The following STRN4 variants were observed in gnomAD, a reference collection of about 807,000 sequenced individuals.
STRN4 encodes striatin 4, also known as striatin-4.
In STRN4, 27 loss-of-function variants were observed where a neutral mutation model predicts 77.9. That is an observed-to-expected ratio of 0.35 (90% confidence interval 0.26 to 0.48). The LOEUF (loss-of-function observed/expected upper bound fraction) is 0.48, where lower values mean the gene tolerates loss of function less well. Ranked by LOEUF, STRN4 falls within the 20% of genes least tolerant of loss-of-function variation. The probability of loss-of-function intolerance (pLI) is 0.99; values close to 1 mark genes in which losing one functional copy is unlikely to be tolerated. For missense variants in STRN4, 798 were observed against 1,049.7 expected (o/e 0.76, Z 3.31); for synonymous variants, 466 against 443.1 (o/e 1.05, Z -0.65).
chr19:46,732,878 G>A (rs2054283666), intron 5 of STRN4, among the ~76,000 whole-genome samples, 161 bp downstream of exon 5: 1 of 152,210 alleles, frequency 6.6e-6, no homozygotes. Flanking sequence ...GGGGATCCCA[G>A]CAGTGAAGGG....
Position 46,730,863 on chromosome 19 carries a change from C to T in STRN4, c.748G>A (p.Gly250Ser), listed in dbSNP as rs756430839. 6.2e-7 allele frequency: 1 copy of T among 1,611,094 alleles called. No individual in the cohort carries two copies. Among genetic ancestry groups the T allele is most frequent in the South Asian group, 1.1e-5 (1 of 91,090 alleles). Residue 250 changes from glycine (G) to serine (S), a missense_variant, in exon 6 of 18, where the codon GGC (glycine) becomes AGC (serine). Coordinates refer to ENST00000263280, the MANE Select transcript of STRN4 (RefSeq NM_013403.3). Reference sequence around the variant, plus strand: ...CCCAAGCGCTCTTTGCCATCTTTGCCTGCCGCGTTCCTGCCAAAGACAGCA... The same window carrying T: ...CCCAAGCGCTCTTTGCCATCTTTGCTTGCCGCGTTCCTGCCAAAGACAGCA... Reference protein sequence around the residue: ...IEEQIKRNAAGKDGKERLGGS... With the variant: ...IEEQIKRNAASKDGKERLGGS...
intron 6 of STRN4, 138 bp downstream of exon 6, chr19:46,730,594 T>G (rs1444297649): frequency 7.4e-7 from 1 of 1,354,214 alleles, no homozygotes; most frequent in Non-Finnish European, 1.0e-6. Flanking sequence ...CACAAGCTCC[T>G]CCAGGCCAGG....
At chr19:46,739,843 T>G (rs898408961) in intron 1 of STRN4, among the ~76,000 whole-genome samples, 1 of 152,236 alleles carries the variant, frequency 6.6e-6, no homozygotes, top group African/African-American at 2.4e-5. Flanking sequence ...TTCTGCTCAG[T>G]CAAGGCCTGG....
At chr19:46,731,137 C>T (rs1031445023) in intron 5 of STRN4, among the ~76,000 whole-genome samples, 15 of 152,210 alleles carry the variant, frequency 9.9e-5, no homozygotes, top group African/African-American at 3.4e-4. Flanking sequence ...AGGGCCAGCC[C>T]CCAACCCTGG....
rs1044517399 is a variant in STRN4 at position 46,741,005 on chromosome 19, C to G, written c.283-2117G>C. On this transcript the variant is annotated intron_variant, in intron 1 of 17. Transcript: ENST00000263280. This position sits in a 1 kb window ranked among gnomAD's most constrained non-coding sequence, Gnocchi z 4.9. ...AAGGCCAGGATGGCTGCTTCAGAAC[C>G]TGTAAAAGGCTCAGTGAAGCCATGG... Among the ~76,000 whole-genome samples, 17 of 152,200 alleles carry G rather than the reference C, an allele frequency of 1.1e-4. No homozygotes were observed. The highest frequency in any genetic ancestry group is 3.6e-4 in the African/African-American group (15 of 41,454).
chr19:46,733,236 C>T lies in STRN4; in HGVS notation c.540G>A (p.Gln180=). The T allele has an allele frequency of 6.2e-7, 1 of 1,609,382 alleles. No homozygotes were observed. ...VWKEGRQLLR[Q]YLEEVGYTDT... is the part of the protein sequence containing the mutation. Reference sequence around the variant, plus strand: ...CTGTGTAGCCCACCTCTTCCAGGTACCTGCAGGGGTGCAGAGCCACGTGGG... The same window carrying T: ...CTGTGTAGCCCACCTCTTCCAGGTATCTGCAGGGGTGCAGAGCCACGTGGG... Residue 180 remains glutamine, a splice_region_variant and synonymous_variant, in exon 5 of 18, where the codon CAG becomes CAA. Transcript: ENST00000263280. This position sits in a 1 kb window ranked among gnomAD's most constrained non-coding sequence, Gnocchi z 4.3.
intron 1 of STRN4, among the ~76,000 whole-genome samples, chr19:46,744,217 T>C (rs907890428): frequency 2.0e-5 from 3 of 152,156 alleles, no homozygotes; most frequent in Non-Finnish European, 4.4e-5. Context: ...CACAGGGCAT[T>C]GTGAAGATCT....
At position 46,722,881 on chromosome 19, in the gene STRN4, G is replaced by A. The variant is rs147409991; in HGVS notation, c.1835C>T (p.Ser612Phe). The change falls in exon 14 of 18, where the codon TCT (serine) becomes TTT (phenylalanine). Residue 612 changes from serine to phenylalanine, a missense_variant. Physicochemically the swap from Ser to Phe is radical, Grantham distance 155 (BLOSUM62 -2). Coordinates refer to ENST00000263280, the MANE Select transcript of STRN4 (RefSeq NM_013403.3). ...CATGTCATACAAGACGGTGTCGCCAGAGCGGAAGGAGGCCACGATGTGGGC... is the reference window on the plus strand; with the variant it reads ...CATGTCATACAAGACGGTGTCGCCAAAGCGGAAGGAGGCCACGATGTGGGC... ...EPAHIVASFR[S>F]GDTVLYDMEV... 101 of 1,614,030 alleles carry A rather than the reference G, an allele frequency of 6.3e-5. No individual in the cohort carries two copies. Among genetic ancestry groups the A allele is most frequent in the Non-Finnish European group, 8.2e-5 (97 of 1,180,048 alleles).
intron 14 of STRN4, 89 bp downstream of exon 14, chr19:46,722,721 G>T: frequency 6.4e-7 from 1 of 1,564,790 alleles, no homozygotes; most frequent in Non-Finnish European, 8.7e-7. Flanking sequence ...CATCTGAGCT[G>T]ACTGACAAGG....
In STRN4 at chr19:46,728,622, C is replaced by T. The variant is rs2054178869; in HGVS notation, c.1035G>A (p.Glu345=). 1.9e-6 allele frequency: 3 copies of T among 1,613,070 alleles called. No homozygotes were observed. The highest frequency in any genetic ancestry group is 2.5e-6 in the Non-Finnish European group (3 of 1,179,538). Reference sequence around the variant, plus strand: ...GGCCAGAAAACGTCAGCTCACCCAGCTCATGGGGGCTCCCATCCACAGTGC... The same window carrying T: ...GGCCAGAAAACGTCAGCTCACCCAGTTCATGGGGGCTCCCATCCACAGTGC... The part of the protein sequence containing the change: ...RRCTVDGSPH[E]LESRRVKLQG... The change falls in exon 7 of 18, where the codon GAG becomes GAA. Residue 345 remains glutamate (E), a synonymous_variant. Coordinates refer to ENST00000263280, the MANE Select transcript of STRN4 (RefSeq NM_013403.3).
At chr19:46,727,853 TG>T in intron 8 of STRN4, 40 bp downstream of exon 8, 1 of 1,522,832 alleles carries the variant, frequency 6.6e-7, no homozygotes, top group Non-Finnish European at 8.9e-7. Context: ...CCCTCTGCCA[TG>T]GGCCCGCAGG....
At position 46,736,908 on chromosome 19, in the gene STRN4, G is replaced by C; in HGVS notation, c.461-7C>G. ...TCCACGGGGCCATTGGAGACTGGCGGGTGAGAGAACGGAGGCTGTCTTAAG... is the reference window on the plus strand; with the variant it reads ...TCCACGGGGCCATTGGAGACTGGCGCGTGAGAGAACGGAGGCTGTCTTAAG... On this transcript the variant is annotated splice_region_variant and splice_polypyrimidine_tract_variant and intron_variant, in intron 3 of 17. Coordinates refer to ENST00000263280, the MANE Select transcript of STRN4 (RefSeq NM_013403.3). 6.2e-7 allele frequency: 1 copy of C among 1,610,888 alleles called. No individual in the cohort carries two copies. The highest frequency in any genetic ancestry group is 8.5e-7 in the Non-Finnish European group (1 of 1,178,438).
At chr19:46,727,571 G>T in intron 8 of STRN4, 25 bp from the exon 9 acceptor site, 1 of 1,608,772 alleles carries the variant, frequency 6.2e-7, no homozygotes, top group Non-Finnish European at 8.5e-7. Context: ...AAGGAACCTG[G>T]TAGGGGGAGG....
At chr19:46,746,032 C>T in intron 1 of STRN4, 117 bp downstream of exon 1, 3 of 1,193,410 alleles carry the variant, frequency 2.5e-6, no homozygotes, top group Non-Finnish European at 3.2e-6. Context: ...TCCCCTCCCG[C>T]CCCCCCGCCG....
Position 46,741,615 on chromosome 19 carries a change from T to A in STRN4, c.283-2727A>T, listed in dbSNP as rs181240869. 5.3e-5 allele frequency among the ~76,000 whole-genome samples: 8 copies of A among 152,284 alleles called. No homozygotes were observed. The East Asian group carries it at 1.4e-3, about 26-fold the overall frequency. On this transcript the variant is annotated intron_variant, in intron 1 of 17. Transcript: ENST00000263280. This position sits in a 1 kb window ranked among gnomAD's most constrained non-coding sequence, Gnocchi z 4.9. ...GGGGATCTGGAAGTGCCGCTCACCA[T>A]ATCCACCCACTGCCACTCCCTCTAG...
At chr19:46,727,382 A>G in intron 9 of STRN4, 70 bp downstream of exon 9, 3 of 1,361,856 alleles carry the variant, frequency 2.2e-6, no homozygotes, top group Non-Finnish European at 3.1e-6. Flanking sequence ...GCACCCAGTC[A>G]GAGCTTGCAG....
intron 4 of STRN4, chr19:46,736,560 A>G: frequency 2.8e-6 from 1 of 359,262 alleles, no homozygotes; most frequent in Non-Finnish European, 4.9e-6. Flanking sequence ...GACAAAAAAA[A>G]AAAAAAAAAA....
At position 46,738,692 on chromosome 19, in the gene STRN4, T is replaced by C; in HGVS notation, c.386+93A>G. The stretch of plus-strand genomic sequence containing the variant: ...TGGAAAAGAATGTCGACCCCAAATC[T>C]CCCTTAGCTGGAAGGAGGCGTGGCT... On this transcript the variant is annotated intron_variant, in intron 2 of 17. Transcript: ENST00000263280. The surrounding 1 kb of genome is among the most constrained non-coding windows in gnomAD (Gnocchi z 4.5). 2 of 1,179,918 alleles carry C rather than the reference T, an allele frequency of 1.7e-6. No homozygotes were observed. The highest frequency in any genetic ancestry group is 2.5e-6 in the Non-Finnish European group (2 of 791,762). The allele number at this position is 1,179,918 out of a possible 1,614,324, so 73.1% of individuals were successfully genotyped here. A position where few individuals can be genotyped will look rare whatever the true frequency, so the allele number is the denominator to read the frequency against.
rs1336848188 is a variant in STRN4, at chr19:46,741,290, C to T, written c.283-2402G>A. The stretch of plus-strand genomic sequence containing the variant: ...TGTGGGGGCAGGAGGTGGAGTTGGG[C>T]ATCCCAACCAGACCTGTCACTGGCT... On this transcript the variant is annotated intron_variant, in intron 1 of 17. Coordinates refer to ENST00000263280, the MANE Select transcript of STRN4 (RefSeq NM_013403.3). The surrounding 1 kb of genome is among the most constrained non-coding windows in gnomAD (Gnocchi z 4.9). Among the ~76,000 whole-genome samples the T allele has an allele frequency of 6.6e-6, 1 of 152,186 alleles. No homozygotes were observed. Among genetic ancestry groups the T allele is most frequent in the Non-Finnish European group, 1.5e-5 (1 of 68,022 alleles).
Sources: gnomAD v4.1 joint callset for allele counts (sites outside exome capture counted in the v4.1 genomes callset) on GRCh38, gnomAD v4.1.1 for gene constraint, Gnocchi (gnomAD v3.1) non-coding constraint, MANE v1.5 for transcripts, NCBI Gene and HGNC (gene_info 2026-07-23, HGNC 2026-07-21) for gene names.